KDM6A: variants seen among roughly 807,000 people sequenced by gnomAD.
The protein encoded by KDM6A is lysine-specific demethylase 6A.
Under a neutral mutation model 117.6 loss-of-function variants are expected in KDM6A, and 11 were observed. The observed-to-expected ratio is 0.09, with a 90% CI of 0.06 to 0.15. KDM6A has a LOEUF of 0.15. KDM6A is among the 10% of genes least tolerant of loss of function. The pLI is 1.00. For missense variants in KDM6A, 799 were observed against 1,077.3 expected (o/e 0.74, Z 3.62); for synonymous variants, 384 against 396.1 (o/e 0.97, Z 0.36).
Position 45,070,363 on chromosome X carries a change from T to C in KDM6A, c.2858+6T>C, listed in dbSNP as rs2148058778. ...GAAGTTCTGAAGGCATGCAGGTTAG[T>C]GTGGGAAAGTTCATCAAAGTGAAAA... On this transcript the variant is annotated splice_donor_region_variant and intron_variant, in intron 18 of 29. Coordinates refer to ENST00000611820, the MANE Select transcript of KDM6A (RefSeq NM_001291415.2). 2 of 1,203,353 alleles carry C rather than the reference T, an allele frequency of 1.7e-6. No homozygotes were observed. Among genetic ancestry groups the C allele is most frequent in the Non-Finnish European group, 2.3e-6 (2 of 888,733 alleles).
At chrX:44,957,762 C>T (rs1162538050) in intron 2 of KDM6A, among the ~76,000 whole-genome samples, 1 of 111,323 alleles carries the variant, frequency 9.0e-6, no homozygotes, top group African/African-American at 3.3e-5. Context: ...TGCTTTTATC[C>T]TCCTTGCTGC....
chrX:44,883,620 C>T (rs757014689), intron 2 of KDM6A, among the ~76,000 whole-genome samples: 1 of 110,204 alleles, frequency 9.1e-6, no homozygotes, highest in Non-Finnish European at 1.9e-5. Context: ...GTGATCCTCC[C>T]GTCTTTGTCT....
chrX:44,885,329 A>C (rs1363090703), intron 2 of KDM6A, among the ~76,000 whole-genome samples: 2 of 109,581 alleles, frequency 1.8e-5, no homozygotes, highest in Non-Finnish European at 3.8e-5. Context: ...CCTGGCCTAC[A>C]TTTCAAATCT....
At chrX:44,880,665 G>A (rs1351576173) in intron 2 of KDM6A, among the ~76,000 whole-genome samples, 1 of 109,124 alleles carries the variant, frequency 9.2e-6, no homozygotes, top group Non-Finnish European at 1.9e-5. Context: ...GGTGGTGGGC[G>A]CCTGTAATCC....
chrX:45,026,443 C>A (rs2042367280), intron 6 of KDM6A, among the ~76,000 whole-genome samples: 1 of 111,787 alleles, frequency 8.9e-6, no homozygotes, highest in Non-Finnish European at 1.9e-5. Flanking sequence ...ATGTGTACCT[C>A]CTTTTAGAAA....
intron 4 of KDM6A, among the ~76,000 whole-genome samples, chrX:44,990,553 C>A (rs200362249): frequency 1.1e-5 from 1 of 93,831 alleles, no homozygotes; most frequent in African/African-American, 4.0e-5. Context: ...TGTCTCAAAA[C>A]ATAAATAAAT....
chrX:44,957,616 C>T (rs935176512), intron 2 of KDM6A, among the ~76,000 whole-genome samples: 4 of 111,750 alleles, frequency 3.6e-5, no homozygotes, highest in Non-Finnish European at 7.5e-5. Flanking sequence ...CCTAAGCTTT[C>T]TACGTAGCTG....
intron 8 of KDM6A, among the ~76,000 whole-genome samples, chrX:45,045,660 A>C (rs766046221): frequency 2.8e-4 from 31 of 110,699 alleles, no homozygotes; most frequent in Non-Finnish European, 5.3e-4. Flanking sequence ...TTCACTTAGC[A>C]TAATGTCTAT....
At position 45,069,648 on chromosome X, in the gene KDM6A, C is replaced by A. The variant is rs1602863589; in HGVS notation, c.2149C>A (p.Pro717Thr). ...NGERPLSSTGPSQHLQAAGSG... is the reference protein window; with the variant it reads ...NGERPLSSTGTSQHLQAAGSG... Reference sequence around the variant, plus strand: ...TGAACGACCTCTCTCTTCCACTGGGCCTTCCCAGCATCTCCAGGCAGCTGG... The same window carrying A: ...TGAACGACCTCTCTCTTCCACTGGGACTTCCCAGCATCTCCAGGCAGCTGG... The change falls in exon 18 of 30, where the codon CCT becomes ACT. Residue 717 changes from proline to threonine, a missense_variant. Around this residue, in one of 8 missense-constraint regions of KDM6A, gnomAD observed 301 missense variants for 318.3 expected, o/e 0.95. Coordinates refer to ENST00000611820, the MANE Select transcript of KDM6A (RefSeq NM_001291415.2). The A allele has an allele frequency of 8.3e-7, 1 of 1,208,122 alleles. No homozygotes were observed. The highest frequency in any genetic ancestry group is 1.8e-5 in the African/African-American group (1 of 56,981).
At chrX:44,954,685 G>A (rs181880915) in intron 2 of KDM6A, among the ~76,000 whole-genome samples, 1 of 111,081 alleles carries the variant, frequency 9.0e-6, no homozygotes, top group African/African-American at 3.3e-5. Flanking sequence ...AAATATGGAT[G>A]TGTAGGCTGG....
chrX:45,028,454 A>T (rs761938400), intron 6 of KDM6A, among the ~76,000 whole-genome samples: 1 of 112,065 alleles, frequency 8.9e-6, no homozygotes, highest in South Asian at 3.7e-4. Context: ...TTTTATGGTT[A>T]GCAGTAGATT....
chrX:44,929,827 C>CT (rs150951259), intron 2 of KDM6A, among the ~76,000 whole-genome samples: 45 of 105,146 alleles, frequency 4.3e-4, no homozygotes, highest in South Asian at 8.1e-4. Context: ...TTTTTAGACA[C>CT]TTTTTTTTTT....
chrX:44,964,676 T>C (rs186237772), intron 3 of KDM6A, among the ~76,000 whole-genome samples: 1 of 111,861 alleles, frequency 8.9e-6, no homozygotes, highest in South Asian at 3.7e-4. Context: ...TTCAGTCGAC[T>C]GTGCTGTGAA....
At position 45,079,000 on chromosome X, in the gene KDM6A, A is replaced by G. The variant is rs1024933528; in HGVS notation, c.3095-146A>G. On this transcript the variant is annotated intron_variant, in intron 20 of 29. Transcript: ENST00000611820. ...GTTCTGCAAACTTGGCACATAGCTCAGGTTGTGCAGAGGCCCTAGTTTTTT... is the reference window on the plus strand; with the variant it reads ...GTTCTGCAAACTTGGCACATAGCTCGGGTTGTGCAGAGGCCCTAGTTTTTT... 6 of 488,842 alleles carry G rather than the reference A, an allele frequency of 1.2e-5. No homozygotes were observed. The African/African-American group carries it at 1.5e-4, about 12-fold the overall frequency. 40.3% of individuals were successfully genotyped at this position (488,842 alleles called of 1,213,427 possible). A position where few individuals can be genotyped will look rare whatever the true frequency, so the allele number is the denominator to read the frequency against.
chrX:45,047,436 A>T (rs1243061607), intron 8 of KDM6A, among the ~76,000 whole-genome samples: 2 of 95,476 alleles, frequency 2.1e-5, no homozygotes, highest in African/African-American at 3.8e-5. Context: ...TTCAATCTGT[A>T]TGCTTTCTAG....
chrX:44,981,119 A>G (rs1328479917), intron 4 of KDM6A, among the ~76,000 whole-genome samples: 7 of 111,640 alleles, frequency 6.3e-5, no homozygotes, highest in Non-Finnish European at 1.3e-4. Context: ...CTGGCAAGCA[A>G]TCAGTTCTGC....
intron 8 of KDM6A, among the ~76,000 whole-genome samples, chrX:45,038,744 A>G (rs1375224372): frequency 9.0e-6 from 1 of 110,800 alleles, no homozygotes; most frequent in Non-Finnish European, 1.9e-5. Flanking sequence ...CATTCTGCAC[A>G]TGTATCCCAG....
At chrX:44,996,405 A>G (rs2040864302) in intron 4 of KDM6A, among the ~76,000 whole-genome samples, 2 of 108,742 alleles carry the variant, frequency 1.8e-5, no homozygotes, top group Admixed American at 1.9e-4. Context: ...GTAAGTGACA[A>G]GGCTTTGATT....
chrX:45,107,847 A>G (rs895611051), intron 28 of KDM6A, among the ~76,000 whole-genome samples: 2 of 111,757 alleles, frequency 1.8e-5, no homozygotes, highest in Non-Finnish European at 3.8e-5. Context: ...ACAGATGCCA[A>G]TAAACTGGAT....
Sources: gnomAD v4.1 joint callset for allele counts (sites outside exome capture counted in the v4.1 genomes callset) on GRCh38, gnomAD v4.1.1 for gene constraint, gnomAD v4.1.1 regional missense constraint, MANE v1.5 for transcripts, NCBI Gene and HGNC (gene_info 2026-07-23, HGNC 2026-07-21) for gene names.